The following ACSM2A variants were observed in gnomAD, a reference collection of about 807,000 sequenced individuals.
The protein encoded by ACSM2A is acyl-coenzyme A synthetase ACSM2A, mitochondrial.
A neutral mutation model predicts 76.6 loss-of-function variants in ACSM2A; 72 were observed. That is an observed-to-expected ratio of 0.94 (90% confidence interval 0.78 to 1.14). The LOEUF is 1.14. Among genes scored for constraint, ACSM2A ranks in the 50% most tolerant of loss-of-function variants. The probability of loss-of-function intolerance (pLI) is 0.00; values close to 1 mark genes in which losing one functional copy is unlikely to be tolerated. For synonymous variants in ACSM2A, 249 were observed against 255.9 expected, an observed-to-expected ratio of 0.97 and a Z score of 0.26; for missense variants, 684 against 708.5, an observed-to-expected ratio of 0.97 and a Z score of 0.39.
chr16:20,475,889 T>C (rs2013711567), intron 8 of ACSM2A, 116 bp downstream of exon 8: 1 of 1,542,590 alleles, frequency 6.5e-7, no homozygotes, highest in Non-Finnish European at 8.7e-7. Context: ...AAGTATTTAT[T>C]GAGCCTCTAT....
At chr16:20,482,885 G>C in intron 12 of ACSM2A, 173 bp from the exon 13 acceptor site, 8 of 1,026,570 alleles carry the variant, frequency 7.8e-6, no homozygotes, top group Non-Finnish European at 8.2e-6. Flanking sequence ...ACTTCAGAGA[G>C]AGCTGTAACC....
In ACSM2A at chr16:20,471,640, G is replaced by A; in HGVS notation, c.845G>A (p.Cys282Tyr). 2 of 1,614,036 alleles carry A rather than the reference G, an allele frequency of 1.2e-6. No individual in the cohort carries two copies. The highest frequency in any genetic ancestry group is 1.1e-5 in the South Asian group (1 of 91,070). Residue 282 changes from cysteine to tyrosine, a missense_variant, in exon 6 of 14, where the codon TGC becomes TAC. Around this residue, in one of 3 missense-constraint regions of ACSM2A, gnomAD observed 519 missense variants for 549.5 expected, o/e 0.94. Transcript: ENST00000573854. ...ATGGAACCTTGGGCATTAGGAGCAT[G>A]CACATTTGTTCATCTCTTGCCAAAG... ...SLMEPWALGACTFVHLLPKFD... is the reference protein window; with the variant it reads ...SLMEPWALGAYTFVHLLPKFD...
chr16:20,477,049 C>T lies in ACSM2A; in HGVS notation c.1099-320C>T, dbSNP rs897566451. The T allele has an allele frequency of 4.0e-4, 104 of 263,226 alleles. 1 individual carries two copies. Among genetic ancestry groups the T allele is most frequent in the Non-Finnish European group, 6.1e-4 (90 of 147,422 alleles). 16.3% of individuals were successfully genotyped at this position (263,226 alleles called of 1,614,324 possible). A position where few individuals can be genotyped will look rare whatever the true frequency, so the allele number is the denominator to read the frequency against. ...CTTACAGATTGCATATTGGTGATCC[C>T]ATATAGTTTGAAAGGGCTTTGGGTA... On this transcript the variant is annotated intron_variant, in intron 8 of 13. Coordinates refer to ENST00000573854, the MANE Select transcript of ACSM2A (RefSeq NM_001308172.2).
chr16:20,454,453 C>A (rs1419608394), intron 1 of ACSM2A, among the ~76,000 whole-genome samples: 3 of 151,958 alleles, frequency 2.0e-5, no homozygotes, highest in Non-Finnish European at 2.9e-5. Context: ...CTAACCCATG[C>A]TGCCATCAGC....
chr16:20,483,973 T>C (rs2014261049), intron 13 of ACSM2A, among the ~76,000 whole-genome samples: 1 of 151,830 alleles, frequency 6.6e-6, no homozygotes, highest in African/African-American at 2.4e-5. Flanking sequence ...TGCTTTTTCT[T>C]TGTGGCTCTA....
intron 2 of ACSM2A, among the ~76,000 whole-genome samples, chr16:20,461,761 T>C (rs2012636702): frequency 6.6e-6 from 1 of 152,234 alleles, no homozygotes; most frequent in South Asian, 2.1e-4. Context: ...ATAACTTTTA[T>C]GCACCTGTCT....
Position 20,475,427 on chromosome 16 carries a change from G to C in ACSM2A, c.960G>C (p.Gln320His). 6.2e-7 allele frequency: 1 copy of C among 1,613,778 alleles called. No individual in the cohort carries two copies. The highest frequency in any genetic ancestry group is 1.1e-5 in the South Asian group (1 of 91,070). ...CCATTGTTTACCGGATGTTGCTACA[G>C]CAGGATCTTTCCAGGTGATGGGGCT... ...GAPIVYRMLLQQDLSSYKFPH... is the reference protein window; with the variant it reads ...GAPIVYRMLLHQDLSSYKFPH... The change falls in exon 7 of 14, where the codon CAG becomes CAC. Residue 320 changes from glutamine to histidine, a missense_variant. By Grantham distance (24) the Gln-to-His change is conservative. Around this residue, in one of 3 missense-constraint regions of ACSM2A, gnomAD observed 519 missense variants for 549.5 expected, o/e 0.94. Transcript: ENST00000573854.
At chr16:20,482,889 T>G (rs2014164165) in intron 12 of ACSM2A, 169 bp from the exon 13 acceptor site, 1 of 1,106,974 alleles carries the variant, frequency 9.0e-7, no homozygotes, top group Admixed American at 2.4e-5. Context: ...CAGAGAGAGC[T>G]GTAACCTCAT....
intron 13 of ACSM2A, among the ~76,000 whole-genome samples, chr16:20,485,352 G>A (rs1037278909): frequency 6.6e-6 from 1 of 152,128 alleles, no homozygotes; most frequent in African/African-American, 2.4e-5. Context: ...CGGATTATTT[G>A]CACCTTCCCC....
At chr16:20,460,999 A>G (rs2012588247) in intron 2 of ACSM2A, among the ~76,000 whole-genome samples, 1 of 130,490 alleles carries the variant, frequency 7.7e-6, no homozygotes, top group Non-Finnish European at 1.6e-5. Context: ...AAAGATGAAG[A>G]AATTTCTGAG....
chr16:20,482,736 T>G, intron 12 of ACSM2A: 1 of 182,188 alleles, frequency 5.5e-6, no homozygotes, highest in African/African-American at 2.3e-5. Flanking sequence ...AGTTAACACA[T>G]TGTTTAGGGT....
At chr16:20,464,123 G>A (rs1339611756) in intron 2 of ACSM2A, among the ~76,000 whole-genome samples, 1 of 152,130 alleles carries the variant, frequency 6.6e-6, no homozygotes, top group Non-Finnish European at 1.5e-5. Flanking sequence ...GCATTTCATT[G>A]TCCATAATTC....
chr16:20,479,459 C>T (rs987432339), intron 10 of ACSM2A, among the ~76,000 whole-genome samples: 4 of 152,146 alleles, frequency 2.6e-5, no homozygotes, highest in Non-Finnish European at 5.9e-5. Flanking sequence ...TGCTCGAGTT[C>T]AAAACCCTGC....
intron 2 of ACSM2A, among the ~76,000 whole-genome samples, chr16:20,462,677 T>C (rs2012697595): frequency 6.6e-6 from 1 of 152,034 alleles, no homozygotes; most frequent in Admixed American, 6.6e-5. Flanking sequence ...ATGCGAAGGG[T>C]CTATTTTACA....
At position 20,486,672 on chromosome 16, in the gene ACSM2A, G is replaced by A. The variant is rs200994305; in HGVS notation, c.1728G>A (p.Ala576=). The change falls in exon 14 of 14, where the codon GCG becomes GCA. Residue 576 remains alanine (A), a synonymous_variant. Transcript: ENST00000573854. The part of the protein sequence containing the change: ...KEWKMSGKAR[A]Q ...GGAAGATGTCCGGAAAAGCCCGTGC[G>A]CAGTGAGACATCTAAGAGACATTCA... 5.5e-5 allele frequency: 88 copies of A among 1,614,112 alleles called. 1 individual carries two copies. The highest frequency in any genetic ancestry group is 3.6e-4 in the South Asian group (33 of 91,066).
At position 20,465,779 on chromosome 16, in the gene ACSM2A, G is replaced by A. The variant is rs184880276; in HGVS notation, c.388+52G>A. ...AACTGTCTTCCTTGTGAAGAAAACTGATAGCAGAGAAATGCAGCCACCTCT... is the reference window on the plus strand; with the variant it reads ...AACTGTCTTCCTTGTGAAGAAAACTAATAGCAGAGAAATGCAGCCACCTCT... On this transcript the variant is annotated intron_variant, in intron 3 of 13. Transcript: ENST00000573854. 773 of 1,585,124 alleles carry A rather than the reference G, an allele frequency of 4.9e-4. 15 individuals carry two copies. In the East Asian group the frequency reaches 0.015, roughly 31 times the overall value.
intron 6 of ACSM2A, chr16:20,474,050 G>A: frequency 2.2e-6 from 1 of 449,210 alleles, no homozygotes; most frequent in South Asian, 1.6e-5. Context: ...CACCTTTCTG[G>A]ACCAAACCAA....
chr16:20,462,796 C>T (rs143271830), intron 2 of ACSM2A, among the ~76,000 whole-genome samples: 1 of 151,752 alleles, frequency 6.6e-6, no homozygotes, highest in Non-Finnish European at 1.5e-5. Flanking sequence ...AAATAGAATT[C>T]CCATTCAGCA....
chr16:20,486,707 C>G lies in ACSM2A; in HGVS notation c.*29C>G. On this transcript the variant is annotated 3_prime_UTR_variant, in exon 14 of 14. Coordinates refer to ENST00000573854, the MANE Select transcript of ACSM2A (RefSeq NM_001308172.2). ...ATCTAAGAGACATTCATTTGGATTC[C>G]CCTCTTCTTTCTCTTTCTTTTCCCT... 1 of 1,611,292 alleles carries G rather than the reference C, an allele frequency of 6.2e-7. No homozygotes were observed. The highest frequency in any genetic ancestry group is 1.1e-5 in the South Asian group (1 of 90,946).
Sources: allele counts gnomAD v4.1 joint callset (sites outside exome capture counted in the v4.1 genomes callset), GRCh38; gene constraint gnomAD v4.1.1; regional missense constraint gnomAD v4.1.1; transcripts MANE v1.5; gene names NCBI Gene and HGNC (gene_info 2026-07-23, HGNC 2026-07-21).